Variants in CSMD3 observed in about 807,000 individuals in gnomAD.
CSMD3 encodes the protein CUB and sushi domain-containing protein 3.
A neutral mutation model predicts 435.2 loss-of-function variants in CSMD3; 177 were observed. The ratio of observed to expected loss-of-function variants is 0.41; its 90% CI spans 0.36 to 0.46. The LOEUF (loss-of-function observed/expected upper bound fraction) is 0.46, where lower values mean the gene tolerates loss of function less well. Among genes scored for constraint, CSMD3 ranks in the 20% least tolerant of loss-of-function variants. The probability of loss-of-function intolerance (pLI) is 0.34; values close to 1 mark genes in which losing one functional copy is unlikely to be tolerated. For missense variants in CSMD3, 4,265 were observed against 4,504.6 expected (o/e 0.95, Z 1.52); for synonymous variants, 1,656 against 1,520.5 (o/e 1.09, Z -2.07).
chr8:112,697,813 G>C (rs1011028518), intron 13 of CSMD3, among the ~76,000 whole-genome samples: 1 of 152,076 alleles, frequency 6.6e-6, no homozygotes, highest in Non-Finnish European at 1.5e-5. Flanking sequence ...GGAGGTATTA[G>C]CTAAGTCTCC....
At chr8:112,936,004 G>A (rs1245293980) in intron 9 of CSMD3, among the ~76,000 whole-genome samples, 1 of 151,956 alleles carries the variant, frequency 6.6e-6, no homozygotes, top group Non-Finnish European at 1.5e-5. Context: ...CTCAAGTATG[G>A]GTAGAACTTC....
At chr8:112,832,089 A>G (rs1359770148) in intron 11 of CSMD3, among the ~76,000 whole-genome samples, 1 of 152,168 alleles carries the variant, frequency 6.6e-6, no homozygotes, top group Non-Finnish European at 1.5e-5. Context: ...ATAGATAAAC[A>G]AATCCTACTC....
At chr8:112,651,545 T>G (rs955968072) in intron 18 of CSMD3, among the ~76,000 whole-genome samples, 1 of 151,438 alleles carries the variant, frequency 6.6e-6, no homozygotes, top group African/African-American at 2.4e-5. Context: ...CAGTGCATTT[T>G]TTTTTTTTTT....
chr8:112,958,253 G>A (rs1307106506), intron 7 of CSMD3, among the ~76,000 whole-genome samples: 2 of 152,000 alleles, frequency 1.3e-5, no homozygotes, highest in Non-Finnish European at 2.9e-5. Context: ...AGATTGATAG[G>A]CATATGCACA....
chr8:112,402,663 A>G (rs1447129561), intron 35 of CSMD3, among the ~76,000 whole-genome samples: 1 of 152,158 alleles, frequency 6.6e-6, no homozygotes, highest in Admixed American at 6.5e-5. Context: ...GAAATTATGT[A>G]AATAATTACT....
In CSMD3 at chr8:112,510,843, CTA is replaced by C. The variant is rs533680862; in HGVS notation, c.4757-4016_4757-4015del. The stretch of plus-strand genomic sequence containing the variant: ...ATTTATTCCTAGAATTCAGTGCATA[CTA>C]TATATTTCATAACGTTTGTTGAATT... On this transcript the variant is annotated intron_variant, in intron 28 of 70. Transcript: ENST00000297405. Among the ~76,000 whole-genome samples the C allele has an allele frequency of 3.6e-4, 55 of 152,224 alleles. No homozygotes were observed. In the Middle Eastern group the frequency reaches 0.014, roughly 38 times the overall value.
chr8:112,543,246 TA>T (rs1167639746), intron 27 of CSMD3, among the ~76,000 whole-genome samples: 1 of 151,844 alleles, frequency 6.6e-6, no homozygotes, highest in African/African-American at 2.4e-5. Context: ...AAAGCAAAAA[TA>T]AACAAGCAGG....
chr8:113,297,834 C>T lies in CSMD3; in HGVS notation c.401+16737G>A, dbSNP rs556637505. ...TTTTACCATGATGGAAATTCAAAGT[C>T]ATTGTTTTATGTAACATGCACCTGA... On this transcript the variant is annotated intron_variant, in intron 2 of 70. Coordinates refer to ENST00000297405, the MANE Select transcript of CSMD3 (RefSeq NM_198123.2). Among the ~76,000 whole-genome samples, 7 of 152,140 alleles carry T rather than the reference C, an allele frequency of 4.6e-5. 1 individual carries two copies. The South Asian group carries it at 1.0e-3, about 23-fold the overall frequency.
At chr8:112,813,789 G>A (rs1381534895) in intron 12 of CSMD3, among the ~76,000 whole-genome samples, 2 of 152,098 alleles carry the variant, frequency 1.3e-5, no homozygotes, top group African/African-American at 4.8e-5. Flanking sequence ...CCTCTTATAA[G>A]GGTGAGTAGA....
intron 3 of CSMD3, among the ~76,000 whole-genome samples, chr8:113,184,463 C>G (rs1022970612): frequency 6.6e-6 from 1 of 151,956 alleles, no homozygotes; most frequent in Non-Finnish European, 1.5e-5. Context: ...ACCTGCCAAC[C>G]ATCAATCAAT....
chr8:112,986,913 A>G (rs904260963), intron 6 of CSMD3, among the ~76,000 whole-genome samples: 3 of 152,114 alleles, frequency 2.0e-5, no homozygotes, highest in African/African-American at 7.2e-5. Flanking sequence ...ATAGATAATT[A>G]GGTAGATAAA....
At chr8:112,964,657 T>A (rs911902007) in intron 7 of CSMD3, among the ~76,000 whole-genome samples, 1 of 151,958 alleles carries the variant, frequency 6.6e-6, no homozygotes, top group Non-Finnish European at 1.5e-5. Context: ...GAGACTTTTT[T>A]TTCCCCCTTA....
intron 4 of CSMD3, among the ~76,000 whole-genome samples, chr8:113,119,748 ATAGT>A (rs1376011408): frequency 6.6e-6 from 1 of 152,170 alleles, no homozygotes; most frequent in Non-Finnish European, 1.5e-5. Flanking sequence ...ATAGGAAAAA[ATAGT>A]TAAATACATA....
At chr8:112,455,998 T>C (rs1203140489) in intron 32 of CSMD3, among the ~76,000 whole-genome samples, 2 of 151,984 alleles carry the variant, frequency 1.3e-5, no homozygotes, top group African/African-American at 2.4e-5. Context: ...GTTTTATTCA[T>C]ATAAACCACA....
chr8:112,231,633 C>T lies in CSMD3; in HGVS notation c.10741-1G>A. The T allele has an allele frequency of 6.3e-7, 1 of 1,596,302 alleles. No homozygotes were observed. Among genetic ancestry groups the T allele is most frequent in the Non-Finnish European group, 8.6e-7 (1 of 1,164,228 alleles). On this transcript the variant is annotated splice_acceptor_variant, in intron 68 of 70. Transcript: ENST00000297405. LOFTEE classifies it high-confidence loss of function. ...TAGCTCCATCAGGCTCAGCAGAAAC[C>T]TAAAAATATTTAAACAGCCAAATAT...
chr8:112,615,499 A>C (rs2131490623), intron 22 of CSMD3, among the ~76,000 whole-genome samples: 1 of 152,190 alleles, frequency 6.6e-6, no homozygotes. Context: ...GGTACCTAGA[A>C]GCATGCAGAA....
intron 13 of CSMD3, among the ~76,000 whole-genome samples, chr8:112,727,858 T>C (rs1288598967): frequency 6.6e-6 from 1 of 151,896 alleles, no homozygotes; most frequent in Non-Finnish European, 1.5e-5. Context: ...ATTCATTCTA[T>C]GTGAAGTAAT....
At chr8:112,368,910 G>T (rs1219120138) in intron 38 of CSMD3, among the ~76,000 whole-genome samples, 2 of 152,100 alleles carry the variant, frequency 1.3e-5, no homozygotes, top group Non-Finnish European at 2.9e-5. Context: ...GAAACATTTA[G>T]CAATGTGCTT....
At chr8:112,455,571 G>A (rs1816745241) in intron 32 of CSMD3, among the ~76,000 whole-genome samples, 1 of 149,048 alleles carries the variant, frequency 6.7e-6, no homozygotes, top group Non-Finnish European at 1.5e-5. Flanking sequence ...AATAAGAGTT[G>A]AAATTATAAA....
Sources: gnomAD v4.1 joint callset for allele counts (sites outside exome capture counted in the v4.1 genomes callset) on GRCh38, gnomAD v4.1.1 for gene constraint, MANE v1.5 for transcripts, NCBI Gene and HGNC (gene_info 2026-07-23, HGNC 2026-07-21) for gene names.